Variants in ADGRB3 observed in about 807,000 individuals in gnomAD.
The protein encoded by ADGRB3 is brain-specific angiogenesis inhibitor 3.
In ADGRB3, 37 loss-of-function variants were observed where a neutral mutation model predicts 193.4. The ratio of observed to expected loss-of-function variants is 0.19; its 90% CI spans 0.15 to 0.25. ADGRB3 has a LOEUF of 0.25. Among genes scored for constraint, ADGRB3 ranks in the 10% least tolerant of loss-of-function variants. The pLI, the probability that ADGRB3 is intolerant of heterozygous loss-of-function variation, is 1.00. For missense variants in ADGRB3, 1,637 were observed against 1,852.9 expected, an observed-to-expected ratio of 0.88 and a Z score of 2.14; for synonymous variants, 690 against 644.2, an observed-to-expected ratio of 1.07 and a Z score of -1.08.
intron 17 of ADGRB3, among the ~76,000 whole-genome samples, chr6:69,216,551 C>T (rs1184437582): frequency 1.3e-5 from 2 of 152,060 alleles, no homozygotes; most frequent in Admixed American, 6.6e-5. Context: ...GAAAAAGTCC[C>T]GAACCACAGA....
intron 20 of ADGRB3, among the ~76,000 whole-genome samples, chr6:69,291,567 C>T (rs1193832444): frequency 6.6e-6 from 1 of 152,046 alleles, no homozygotes; most frequent in Non-Finnish European, 1.5e-5. Flanking sequence ...TAAGTAACTG[C>T]ATTTATTTTT....
intron 17 of ADGRB3, among the ~76,000 whole-genome samples, chr6:69,206,019 G>T (rs779478): frequency 0.44 from 58,982 of 134,864 alleles, 14,241 homozygotes; most frequent in African/African-American, 0.64. Context: ...AATATATATA[G>T]AGAGAGAATA....
Position 69,372,439 on chromosome 6 carries a change from G to A in ADGRB3, c.4273G>A (p.Glu1425Lys), listed in dbSNP as rs763639562. ...RKSRYSDLDFEKVMHTRKRHM... is the reference protein window; with the variant it reads ...RKSRYSDLDFKKVMHTRKRHM... ...ATCACGATATTCAGACCTTGACTTT[G>A]AGGTAAGTTTATATGAATTATTTTA... Residue 1425 changes from glutamate to lysine, a missense_variant and splice_region_variant, in exon 30 of 32, where the codon GAG (glutamate) becomes AAG (lysine). Physicochemically the swap from Glu to Lys is moderately conservative, Grantham distance 56. Transcript: ENST00000370598. The A allele has an allele frequency of 2.2e-6, 3 of 1,349,114 alleles. No homozygotes were observed. Among genetic ancestry groups the A allele is most frequent in the Non-Finnish European group, 3.0e-6 (3 of 985,932 alleles). The allele number at this position is 1,349,114 out of a possible 1,614,324, so 83.6% of individuals were successfully genotyped here. A position where few individuals can be genotyped will look rare whatever the true frequency, so the allele number is the denominator to read the frequency against.
chr6:69,234,005 T>C (rs1766208138), intron 18 of ADGRB3, among the ~76,000 whole-genome samples: 1 of 152,202 alleles, frequency 6.6e-6, no homozygotes, highest in African/African-American at 2.4e-5. Flanking sequence ...TACATAACTG[T>C]CTGAAAGAAA....
At chr6:68,877,764 T>A (rs1765632491) in intron 3 of ADGRB3, among the ~76,000 whole-genome samples, 1 of 152,114 alleles carries the variant, frequency 6.6e-6, no homozygotes, top group African/African-American at 2.4e-5. Flanking sequence ...CCAATTTATA[T>A]CAAGGACTTT....
At chr6:68,829,518 A>G (rs937332708) in intron 3 of ADGRB3, among the ~76,000 whole-genome samples, 16 of 152,172 alleles carry the variant, frequency 1.1e-4, no homozygotes, top group Non-Finnish European at 1.0e-4. Context: ...ATTTTCTGAT[A>G]CAAAGTCAAG....
chr6:69,087,479 C>T (rs921711984), intron 17 of ADGRB3, among the ~76,000 whole-genome samples: 1 of 152,052 alleles, frequency 6.6e-6, no homozygotes, highest in African/African-American at 2.4e-5. Context: ...TATTTTTGCT[C>T]TCATATAAAA....
intron 3 of ADGRB3, among the ~76,000 whole-genome samples, chr6:68,643,786 A>T (rs1427753041): frequency 6.6e-6 from 1 of 151,800 alleles, no homozygotes; most frequent in Non-Finnish European, 1.5e-5. Flanking sequence ...TACAAAAATT[A>T]GCCAGGCATG....
intron 15 of ADGRB3, among the ~76,000 whole-genome samples, chr6:69,058,969 A>C (rs578128475): frequency 6.6e-6 from 1 of 152,118 alleles, no homozygotes; most frequent in South Asian, 2.1e-4. Context: ...CAATTCATCT[A>C]TAATGTTATT....
At chr6:69,108,178 AG>A (rs1773266215) in intron 17 of ADGRB3, among the ~76,000 whole-genome samples, 1 of 148,120 alleles carries the variant, frequency 6.8e-6, no homozygotes, top group African/African-American at 2.5e-5. Flanking sequence ...GAGACTGTAA[AG>A]GCTAAATTTG....
At chr6:69,326,136 G>A (rs1005180367) in intron 21 of ADGRB3, among the ~76,000 whole-genome samples, 2 of 152,056 alleles carry the variant, frequency 1.3e-5, no homozygotes, top group Admixed American at 6.6e-5. Context: ...CCAGCTACTC[G>A]GGAGGCTAAG....
At position 68,930,560 on chromosome 6, in the gene ADGRB3, A is replaced by G. The variant is rs764888085; in HGVS notation, c.759A>G (p.Glu253=). 6 of 1,604,620 alleles carry G rather than the reference A, an allele frequency of 3.7e-6. No homozygotes were observed. The East Asian group carries it at 1.3e-4, about 36-fold the overall frequency. ...CATATACCTTTATTCTGTCTTTAGA[A>G]TTTGGAATGATGGGAGATCATACAA... The part of the protein sequence containing the change: ...TREAKRPPKE[E]FGMMGDHTIK... The change falls in exon 4 of 32, where the codon GAA becomes GAG. Residue 253 remains glutamate, a splice_region_variant and synonymous_variant. Coordinates refer to ENST00000370598, the MANE Select transcript of ADGRB3 (RefSeq NM_001704.3).
intron 24 of ADGRB3, among the ~76,000 whole-genome samples, chr6:69,333,792 A>C (rs186429158): frequency 5.3e-5 from 8 of 150,794 alleles, no homozygotes; most frequent in South Asian, 2.1e-4. Context: ...TAGCCGGGCG[A>C]GGTGGTGGGC....
At chr6:68,642,573 C>T (rs1005397598) in intron 3 of ADGRB3, among the ~76,000 whole-genome samples, 10 of 151,970 alleles carry the variant, frequency 6.6e-5, no homozygotes, top group Non-Finnish European at 1.3e-4. Flanking sequence ...TTGACTAATG[C>T]TTCATTAAAG....
Position 68,675,083 on chromosome 6 carries a change from C to T in ADGRB3, c.757+35651C>T, listed in dbSNP as rs959619455. Among the ~76,000 whole-genome samples, 4 of 152,196 alleles carry T rather than the reference C, an allele frequency of 2.6e-5. No homozygotes were observed. In the East Asian group the frequency reaches 5.8e-4, roughly 22 times the overall value. ...CGAATAGTGAGATTTATTACACAGTCCTAACATTGATGCAGTTTAGTTGCT... is the reference window on the plus strand; with the variant it reads ...CGAATAGTGAGATTTATTACACAGTTCTAACATTGATGCAGTTTAGTTGCT... On this transcript the variant is annotated intron_variant, in intron 3 of 31. Coordinates refer to ENST00000370598, the MANE Select transcript of ADGRB3 (RefSeq NM_001704.3).
chr6:68,714,749 TAAA>T (rs1374596165), intron 3 of ADGRB3, among the ~76,000 whole-genome samples: 2 of 151,884 alleles, frequency 1.3e-5, no homozygotes, highest in African/African-American at 4.8e-5. Flanking sequence ...ATTTTTATCT[TAAA>T]ATATCTGCTA....
chr6:69,135,565 AC>A (rs1042061625), intron 17 of ADGRB3, among the ~76,000 whole-genome samples: 1 of 152,054 alleles, frequency 6.6e-6, no homozygotes, highest in African/African-American at 2.4e-5. Context: ...TGGCATTTAT[AC>A]TTTTTATTTC....
rs191872322 is a variant in ADGRB3 at position 69,149,370 on chromosome 6, G to A, written c.2480+73332G>A. On this transcript the variant is annotated intron_variant, in intron 17 of 31. Coordinates refer to ENST00000370598, the MANE Select transcript of ADGRB3 (RefSeq NM_001704.3). ...GTATGTCAGTTGCATTTTTCAGCTC[G>A]GAATTTCTGCTTGATTCTTTTTAAT... is the stretch of plus-strand genomic sequence containing the variant. Among the ~76,000 whole-genome samples, 6 of 151,708 alleles carry A rather than the reference G, an allele frequency of 4.0e-5. No individual in the cohort carries two copies. The East Asian group carries it at 7.8e-4, about 20-fold the overall frequency.
intron 20 of ADGRB3, among the ~76,000 whole-genome samples, chr6:69,286,196 G>A (rs1018141814): frequency 1.3e-5 from 2 of 151,608 alleles, no homozygotes; most frequent in African/African-American, 4.8e-5. Context: ...TTTTTTCCTG[G>A]TTCCAGGCAC....
Sources: gnomAD v4.1 joint callset for allele counts (sites outside exome capture counted in the v4.1 genomes callset) on GRCh38, gnomAD v4.1.1 for gene constraint, MANE v1.5 for transcripts, NCBI Gene and HGNC (gene_info 2026-07-23, HGNC 2026-07-21) for gene names.